Variants in MSH3 observed in about 807,000 individuals in gnomAD.
The protein encoded by MSH3 is DNA mismatch repair protein Msh3.
MSH3 carries 106 observed loss-of-function variants against 123.3 expected under a neutral mutation model. The ratio of observed to expected loss-of-function variants is 0.86; its 90% CI spans 0.73 to 1.01. The LOEUF is 1.01. Among genes scored for constraint, MSH3 ranks in the 50% least tolerant of loss-of-function variants. The pLI, the probability that MSH3 is intolerant of heterozygous loss-of-function variation, is 0.00. For missense variants in MSH3, 1,459 were observed against 1,347.6 expected (o/e 1.08, Z -1.29); for synonymous variants, 515 against 481.4 (o/e 1.07, Z -0.91).
chr5:80,873,290 C>A lies in MSH3; in HGVS notation c.3302+3C>A. The A allele has an allele frequency of 6.2e-7, 1 of 1,613,650 alleles. No individual in the cohort carries two copies. The highest frequency in any genetic ancestry group is 1.1e-5 in the South Asian group (1 of 91,048). Reference sequence around the variant, plus strand: ...GAAGGATTAATAAATACGAAAAGGTCAGAGTGATTATGCTGCATTTTTTCA... The same window carrying A: ...GAAGGATTAATAAATACGAAAAGGTAAGAGTGATTATGCTGCATTTTTTCA... On this transcript the variant is annotated splice_donor_region_variant and intron_variant, in intron 23 of 23. Transcript: ENST00000265081.
chr5:80,809,013 T>G (rs971977367), intron 19 of MSH3, among the ~76,000 whole-genome samples: 3 of 151,490 alleles, frequency 2.0e-5, no homozygotes, highest in Non-Finnish European at 4.4e-5. Context: ...TATTTTCATT[T>G]GTTTTAGTTC....
intron 20 of MSH3, among the ~76,000 whole-genome samples, chr5:80,843,558 A>G (rs979449659): frequency 6.6e-6 from 1 of 152,168 alleles, no homozygotes. Context: ...TTGGTGGGCT[A>G]TTAATTATTG....
At chr5:80,728,998 G>C (rs1743357006) in intron 10 of MSH3, 33 bp downstream of exon 10, 1 of 1,183,438 alleles carries the variant, frequency 8.4e-7, no homozygotes, top group African/African-American at 1.5e-5. Context: ...AAAAAAGGGG[G>C]AGCTTATATT....
chr5:80,744,653 T>C, intron 12 of MSH3, 38 bp downstream of exon 12: 3 of 1,487,570 alleles, frequency 2.0e-6, no homozygotes, highest in Non-Finnish European at 9.3e-7. Context: ...AATCTGAAAT[T>C]ATAAAATTTT....
intron 17 of MSH3, among the ~76,000 whole-genome samples, chr5:80,779,752 G>A (rs1265405389): frequency 6.6e-6 from 1 of 151,112 alleles, no homozygotes; most frequent in East Asian, 2.0e-4. Context: ...TTTTAATAGA[G>A]ACGGGGTTTC....
At chr5:80,692,425 TAG>T (rs1561444902) in intron 8 of MSH3, among the ~76,000 whole-genome samples, 7 of 40,692 alleles carry the variant, frequency 1.7e-4, no homozygotes, top group East Asian at 1.1e-3. Flanking sequence ...TGTATATGTT[TAG>T]ATAGATAAAC....
At chr5:80,775,852 T>C (rs1744290020) in intron 16 of MSH3, 94 bp downstream of exon 16, 4 of 735,856 alleles carry the variant, frequency 5.4e-6, no homozygotes, top group Admixed American at 4.5e-5. Context: ...ATTCTTGAAA[T>C]TAAAAGCAAT....
At chr5:80,656,308 G>A (rs1056201857) in intron 1 of MSH3, 103 bp from the exon 2 acceptor site, 23 of 1,457,746 alleles carry the variant, frequency 1.6e-5, no homozygotes, top group Middle Eastern at 4.1e-4. Context: ...AGAGTGGATG[G>A]CAAGGAACCT....
At chr5:80,775,785 A>G in intron 16 of MSH3, 27 bp downstream of exon 16, 1 of 1,286,074 alleles carries the variant, frequency 7.8e-7, no homozygotes, top group South Asian at 1.2e-5. Context: ...TTTTTTTCTT[A>G]CAATGCATTA....
chr5:80,758,851 G>A (rs1743976577), intron 12 of MSH3, among the ~76,000 whole-genome samples: 1 of 152,052 alleles, frequency 6.6e-6, no homozygotes, highest in African/African-American at 2.4e-5. Context: ...TATTTGTGTA[G>A]GCTGTCTTAT....
chr5:80,728,764 A>T, intron 9 of MSH3, 87 bp from the exon 10 acceptor site: 1 of 733,984 alleles, frequency 1.4e-6, no homozygotes, highest in Non-Finnish European at 2.3e-6. Flanking sequence ...AATAATGCTA[A>T]CAAGTTAATG....
chr5:80,748,732 A>ACACACACC (rs1451567561), intron 12 of MSH3, among the ~76,000 whole-genome samples: 2 of 133,950 alleles, frequency 1.5e-5, no homozygotes, highest in African/African-American at 2.8e-5. Context: ...ACACACACAC[A>ACACACACC]CCCATATGTA....
chr5:80,792,746 G>GA lies in MSH3; in HGVS notation c.2559dup (p.Glu854ArgfsTer15). 1 of 1,610,228 alleles carries GA rather than the reference G, an allele frequency of 6.2e-7. No individual in the cohort carries two copies. The highest frequency in any genetic ancestry group is 8.5e-7 in the Non-Finnish European group (1 of 1,177,056). On this transcript the variant is annotated frameshift_variant, in exon 19 of 24. Transcript: ENST00000265081. LOFTEE classifies it high-confidence loss of function. ...TCTTTTTTGCAGACCAACTGTACAAGAAGAAAGAAAAATTGTAATAAAAAA... is the reference window on the plus strand; with the variant it reads ...TCTTTTTTGCAGACCAACTGTACAAGAAAGAAAGAAAAATTGTAATAAAAAA...
intron 22 of MSH3, among the ~76,000 whole-genome samples, chr5:80,866,459 A>G (rs1003542135): frequency 6.6e-6 from 1 of 152,204 alleles, no homozygotes; most frequent in Admixed American, 6.5e-5. Context: ...TTTATCAATG[A>G]ACATAATTTT....
intron 16 of MSH3, 76 bp from the exon 17 acceptor site, chr5:80,778,644 T>G (rs1407014202): frequency 1.2e-6 from 1 of 829,522 alleles, no homozygotes; most frequent in Non-Finnish European, 2.1e-6. Context: ...AATAAATAAC[T>G]AATTTTCTAA....
chr5:80,796,306 T>C (rs1414237026), intron 19 of MSH3, among the ~76,000 whole-genome samples: 1 of 152,148 alleles, frequency 6.6e-6, no homozygotes, highest in Non-Finnish European at 1.5e-5. Flanking sequence ...TACAATAATG[T>C]TTTAAAGAAA....
chr5:80,728,450 A>C (rs1404739956), intron 9 of MSH3, among the ~76,000 whole-genome samples: 3 of 152,180 alleles, frequency 2.0e-5, no homozygotes, highest in Non-Finnish European at 4.4e-5. Context: ...CTACGCTGTT[A>C]ATGTTTATTT....
chr5:80,822,037 C>A (rs1745211658), intron 20 of MSH3, among the ~76,000 whole-genome samples: 1 of 152,148 alleles, frequency 6.6e-6, no homozygotes, highest in Non-Finnish European at 1.5e-5. Flanking sequence ...TTTGATAGGT[C>A]AATAGGATTC....
At chr5:80,711,260 C>T (rs1026555665) in intron 8 of MSH3, among the ~76,000 whole-genome samples, 1 of 152,324 alleles carries the variant, frequency 6.6e-6, no homozygotes, top group South Asian at 2.1e-4. Flanking sequence ...TCAATCCTCC[C>T]TTGCTCCCAA....
Sources: allele counts gnomAD v4.1 joint callset (sites outside exome capture counted in the v4.1 genomes callset), GRCh38; gene constraint gnomAD v4.1.1; transcripts MANE v1.5; gene names NCBI Gene and HGNC (gene_info 2026-07-23, HGNC 2026-07-21).